The following LPCAT1 variants were observed in gnomAD, a reference collection of about 807,000 sequenced individuals.
The protein encoded by LPCAT1 is 1-acylglycerol-3-phosphate O-acyltransferase.
LPCAT1 carries 23 observed loss-of-function variants against 60.9 expected under a neutral mutation model. The observed-to-expected ratio is 0.38, with a 90% CI of 0.27 to 0.53. The LOEUF (loss-of-function observed/expected upper bound fraction) is 0.53, where lower values mean the gene tolerates loss of function less well. Ranked by LOEUF, LPCAT1 falls within the 20% of genes least tolerant of loss-of-function variation. The pLI is 0.82. For synonymous variants in LPCAT1, 340 were observed against 301.1 expected (o/e 1.13, Z -1.34); for missense variants, 622 against 723.6 (o/e 0.86, Z 1.61).
intron 1 of LPCAT1, among the ~76,000 whole-genome samples, chr5:1,517,399 A>G (rs113099779): frequency 5.3e-5 from 8 of 152,236 alleles, no homozygotes; most frequent in African/African-American, 1.9e-4. Flanking sequence ...GACACTCCCA[A>G]CCAGTCATGT....
At position 1,521,795 on chromosome 5, in the gene LPCAT1, C is replaced by G. The variant is rs944043204; in HGVS notation, c.135+1915G>C. ...TCGGGACCAGGAGCCTCTCGATGACCCCCTGCCCAAGAGCCACTGGGAGCA... is the reference window on the plus strand; with the variant it reads ...TCGGGACCAGGAGCCTCTCGATGACGCCCTGCCCAAGAGCCACTGGGAGCA... On this transcript the variant is annotated intron_variant, in intron 1 of 13. Coordinates refer to ENST00000283415, the MANE Select transcript of LPCAT1 (RefSeq NM_024830.5). The surrounding 1 kb of genome is among the most constrained non-coding windows in gnomAD (Gnocchi z 4.3). 1.3e-4 allele frequency among the ~76,000 whole-genome samples: 20 copies of G among 152,158 alleles called. No individual in the cohort carries two copies. Among genetic ancestry groups the G allele is most frequent in the African/African-American group, 4.8e-4 (20 of 41,428 alleles).
intron 12 of LPCAT1, among the ~76,000 whole-genome samples, chr5:1,469,810 G>A (rs1440029766): frequency 6.6e-6 from 1 of 152,100 alleles, no homozygotes; most frequent in African/African-American, 2.4e-5. Flanking sequence ...AAACAACAGG[G>A]CACAGTGAAA....
chr5:1,523,727 C>T lies in LPCAT1; in HGVS notation c.118G>A (p.Ala40Thr). The T allele has an allele frequency of 8.5e-7, 1 of 1,170,740 alleles. No individual in the cohort carries two copies. The highest frequency in any genetic ancestry group is 5.0e-5 in the East Asian group (1 of 20,152). 72.5% of individuals were successfully genotyped at this position (1,170,740 alleles called of 1,614,324 possible). ...NPFVHELRLSALQKAQVALMT... is the reference protein window; with the variant it reads ...NPFVHELRLSTLQKAQVALMT... ...GCACCCACCTGGGCCTTCTGCAGGG[C>T]GCTGAGGCGCAGCTCGTGCACGAAG... Residue 40 changes from alanine to threonine, a missense_variant, in exon 1 of 14, where the codon GCC becomes ACC. Around this residue, in one of 3 missense-constraint regions of LPCAT1, gnomAD observed 125 missense variants for 114.5 expected, o/e 1.09. Transcript: ENST00000283415. This position sits in a 1 kb window ranked among gnomAD's most constrained non-coding sequence, Gnocchi z 7.1.
rs1358993553 is a variant in LPCAT1 at position 1,480,474 on chromosome 5, C to T, written c.761+468G>A. ...GGGCTTCTCCTCTGGGGCTCGTTCC[C>T]GTTTCCGTGGGGTTGTTCATTGTTG... On this transcript the variant is annotated intron_variant, in intron 7 of 13. Coordinates refer to ENST00000283415, the MANE Select transcript of LPCAT1 (RefSeq NM_024830.5). This position sits in a 1 kb window ranked among gnomAD's most constrained non-coding sequence, Gnocchi z 6.4. 4 of 596,828 alleles carry T rather than the reference C, an allele frequency of 6.7e-6. No homozygotes were observed. The highest frequency in any genetic ancestry group is 7.4e-5 in the South Asian group (1 of 13,572). The allele number at this position is 596,828 out of a possible 1,614,324, so 37.0% of individuals were successfully genotyped here. A position where few individuals can be genotyped will look rare whatever the true frequency, so the allele number is the denominator to read the frequency against.
At chr5:1,503,475 C>T (rs533254411) in intron 1 of LPCAT1, among the ~76,000 whole-genome samples, 1 of 152,352 alleles carries the variant, frequency 6.6e-6, no homozygotes, top group South Asian at 2.1e-4. Flanking sequence ...TAACATGATG[C>T]CTTACGGCCA....
intron 1 of LPCAT1, among the ~76,000 whole-genome samples, chr5:1,519,007 A>G (rs962476765): frequency 6.6e-5 from 10 of 152,236 alleles, no homozygotes; most frequent in Non-Finnish European, 1.3e-4. Context: ...AGCAGCTCCC[A>G]TGGCTCACGC....
chr5:1,520,219 G>C (rs556971916), intron 1 of LPCAT1, among the ~76,000 whole-genome samples: 9 of 152,386 alleles, frequency 5.9e-5, no homozygotes, highest in African/African-American at 2.2e-4. Context: ...GGCCATGCTG[G>C]ACTCAGGAGC....
chr5:1,467,903 T>C (rs1232153847), intron 12 of LPCAT1, among the ~76,000 whole-genome samples: 1 of 152,138 alleles, frequency 6.6e-6, no homozygotes, highest in African/African-American at 2.4e-5. Context: ...CCACGGTTCC[T>C]GGGGCTCCGA....
At chr5:1,464,965 TGCAC>T (rs1176268158) in intron 13 of LPCAT1, among the ~76,000 whole-genome samples, 3 of 147,436 alleles carry the variant, frequency 2.0e-5, no homozygotes, top group Non-Finnish European at 4.5e-5. Context: ...ACTACACACA[TGCAC>T]GCACACATAC....
chr5:1,479,559 G>A (rs1462240595), intron 8 of LPCAT1, 62 bp downstream of exon 8: 5 of 1,198,394 alleles, frequency 4.2e-6, no homozygotes, highest in Non-Finnish European at 5.0e-6. Context: ...GCATCCTGGT[G>A]TAAGCTCGTG....
intron 11 of LPCAT1, among the ~76,000 whole-genome samples, chr5:1,472,912 C>T (rs1337203224): frequency 6.6e-6 from 1 of 152,148 alleles, no homozygotes; most frequent in Non-Finnish European, 1.5e-5. Context: ...TGCCCTGAGC[C>T]ACGCACTGTG....
chr5:1,485,912 TA>T (rs1280739230), intron 5 of LPCAT1, among the ~76,000 whole-genome samples: 3 of 152,224 alleles, frequency 2.0e-5, no homozygotes, highest in African/African-American at 7.2e-5. Context: ...CCACATTTGG[TA>T]GGCCCGCCTC....
At chr5:1,515,001 A>T (rs1287709664) in intron 1 of LPCAT1, among the ~76,000 whole-genome samples, 1 of 152,210 alleles carries the variant, frequency 6.6e-6, no homozygotes. Context: ...TTTAACAAAC[A>T]TCTGCAGAAA....
At position 1,522,500 on chromosome 5, in the gene LPCAT1, G is replaced by A. The variant is rs1443081034; in HGVS notation, c.135+1210C>T. Among the ~76,000 whole-genome samples, 1 of 152,162 alleles carries A rather than the reference G, an allele frequency of 6.6e-6. No homozygotes were observed. Among genetic ancestry groups the A allele is most frequent in the Non-Finnish European group, 1.5e-5 (1 of 68,018 alleles). ...GCCAGGCTGGGGACGACCTCACCCT[G>A]TGTGTCACCAGGAGGGGCGGCACCA... On this transcript the variant is annotated intron_variant, in intron 1 of 13. Transcript: ENST00000283415. This position sits in a 1 kb window ranked among gnomAD's most constrained non-coding sequence, Gnocchi z 6.8.
intron 3 of LPCAT1, among the ~76,000 whole-genome samples, chr5:1,491,682 G>A (rs1197215175): frequency 6.6e-6 from 1 of 152,164 alleles, no homozygotes; most frequent in Non-Finnish European, 1.5e-5. Flanking sequence ...TGGGACTGGC[G>A]CATTTTGCCA....
chr5:1,466,995 G>A (rs1734440876), intron 12 of LPCAT1, 105 bp from the exon 13 acceptor site: 16 of 1,261,342 alleles, frequency 1.3e-5, no homozygotes, highest in East Asian at 2.8e-5. Flanking sequence ...CAGAGCTGCT[G>A]GGCACCTGCA....
chr5:1,488,848 AC>A (rs953808060), intron 4 of LPCAT1, among the ~76,000 whole-genome samples: 40 of 152,174 alleles, frequency 2.6e-4, no homozygotes, highest in African/African-American at 8.9e-4. Flanking sequence ...GAGAGCAAAG[AC>A]CCACAAATGG....
chr5:1,463,557 GGAGT>G lies in LPCAT1; in HGVS notation c.*90_*93del, dbSNP rs1374004990. 19 of 1,362,938 alleles carry G rather than the reference GGAGT, an allele frequency of 1.4e-5. No individual in the cohort carries two copies. The highest frequency in any genetic ancestry group is 4.1e-6 in the Non-Finnish European group (4 of 986,728). 84.4% of individuals were successfully genotyped at this position (1,362,938 alleles called of 1,614,324 possible). On this transcript the variant is annotated 3_prime_UTR_variant, in exon 14 of 14. Transcript: ENST00000283415. ...GGCTGAAGACAGTGCCTGTACAGCA[GGAGT>G]GAGGAGCGGAGCCCAGAGGTCACTC...
chr5:1,485,141 A>T (rs935260182), intron 5 of LPCAT1, among the ~76,000 whole-genome samples: 1 of 152,150 alleles, frequency 6.6e-6, no homozygotes, highest in Non-Finnish European at 1.5e-5. Context: ...GACCATCCCG[A>T]CCATGTGTCA....
Sources: gnomAD v4.1 joint callset for allele counts (sites outside exome capture counted in the v4.1 genomes callset) on GRCh38, gnomAD v4.1.1 for gene constraint, gnomAD v4.1.1 regional missense constraint, Gnocchi (gnomAD v3.1) non-coding constraint, MANE v1.5 for transcripts, NCBI Gene and HGNC (gene_info 2026-07-23, HGNC 2026-07-21) for gene names.